NPHP1: variants seen among roughly 807,000 people sequenced by gnomAD.
NPHP1 encodes nephrocystin 1.
NPHP1 carries 70 observed loss-of-function variants against 90.4 expected under a neutral mutation model. The ratio of observed to expected loss-of-function variants is 0.77; its 90% CI spans 0.64 to 0.95. The LOEUF is 0.95. NPHP1 is among the 40% of genes least tolerant of loss of function. The pLI, the probability that NPHP1 is intolerant of heterozygous loss-of-function variation, is 0.00. For synonymous variants in NPHP1, 256 were observed against 271.7 expected (o/e 0.94, Z 0.57); for missense variants, 764 against 795.9 (o/e 0.96, Z 0.48).
intron 1 of NPHP1, chr2:110,202,558 C>T: frequency 2.8e-6 from 1 of 355,792 alleles, no homozygotes; most frequent in Admixed American, 2.8e-5. Context: ...GGCTCCAGAG[C>T]CAATATTTCT....
rs796328333 is a variant in NPHP1, at chr2:110,184,662, T to G, written c.144-4978A>C. On this transcript the variant is annotated intron_variant, in intron 2 of 19. Coordinates refer to ENST00000445609, the MANE Select transcript of NPHP1 (RefSeq NM_001128178.3). ...GCACCTCTACCTGCATAAGGAGGGCTATGATTTCCACTCATCGTTTGAGAT... is the reference window on the plus strand; with the variant it reads ...GCACCTCTACCTGCATAAGGAGGGCGATGATTTCCACTCATCGTTTGAGAT... 62 of 767,160 alleles carry G rather than the reference T, an allele frequency of 8.1e-5. 1 individual carries two copies. The African/African-American group carries it at 8.1e-4, about 10-fold the overall frequency. 47.5% of individuals were successfully genotyped at this position (767,160 alleles called of 1,614,324 possible).
intron 18 of NPHP1, 78 bp downstream of exon 18, chr2:110,129,108 T>TAGACCAGA: frequency 1.5e-6 from 1 of 671,582 alleles, no homozygotes. Context: ...AAAAAAGGCC[T>TAGACCAGA]AGACAGAACT....
At chr2:110,142,101 A>G (rs1025709012) in intron 16 of NPHP1, among the ~76,000 whole-genome samples, 3 of 152,150 alleles carry the variant, frequency 2.0e-5, no homozygotes, top group Non-Finnish European at 4.4e-5. Context: ...GAAGACATAT[A>G]TCCACATGCA....
chr2:110,161,709 A>G lies in NPHP1; in HGVS notation c.860-12T>C, dbSNP rs1326341540. ...TCGAAATTGATTCCCTGAAAAAATC[A>G]TTTTTTCTTCATTTTCTTACAAAGA... On this transcript the variant is annotated splice_polypyrimidine_tract_variant and intron_variant, in intron 9 of 19. Coordinates refer to ENST00000445609, the MANE Select transcript of NPHP1 (RefSeq NM_001128178.3). 3.2e-6 allele frequency: 5 copies of G among 1,582,734 alleles called. No individual in the cohort carries two copies. Among genetic ancestry groups the G allele is most frequent in the Middle Eastern group, 3.3e-4 (2 of 6,014 alleles).
chr2:110,179,123 C>G (rs773579130), intron 3 of NPHP1, among the ~76,000 whole-genome samples: 1 of 147,874 alleles, frequency 6.8e-6, no homozygotes, highest in Non-Finnish European at 1.5e-5. Context: ...TGGACCTGGA[C>G]ATCTAGCTGT....
At chr2:110,190,425 G>A (rs1684632303) in intron 2 of NPHP1, among the ~76,000 whole-genome samples, 1 of 152,194 alleles carries the variant, frequency 6.6e-6, no homozygotes, top group Non-Finnish European at 1.5e-5. Flanking sequence ...AGCAGCTGCT[G>A]GCCCAGGTGC....
At position 110,131,682 on chromosome 2, in the gene NPHP1, T is replaced by C; in HGVS notation, c.1639A>G (p.Thr547Ala). Residue 547 changes from threonine (T) to alanine (A), a missense_variant, in exon 17 of 20, where the codon ACT becomes GCT. Physicochemically the swap from Thr to Ala is moderately conservative, Grantham distance 58. Coordinates refer to ENST00000445609, the MANE Select transcript of NPHP1 (RefSeq NM_001128178.3). ...GGAAGTGGCAAAGCCCACTTACCAG[T>C]ACTTTGCAAGCTCATCCTGTCTTTC... ...LLKDRMSLQS[T>A]DLISHPMLAT... 6.3e-7 allele frequency: 1 copy of C among 1,599,872 alleles called. No individual in the cohort carries two copies. Among genetic ancestry groups the C allele is most frequent in the Non-Finnish European group, 8.6e-7 (1 of 1,167,030 alleles).
Position 110,125,048 on chromosome 2 carries a change from T to A in NPHP1, c.1761+589A>T, listed in dbSNP as rs181398819. The A allele has an allele frequency of 9.1e-5, 59 of 650,312 alleles. No homozygotes were observed. The East Asian group carries it at 1.7e-3, about 19-fold the overall frequency. The allele number at this position is 650,312 out of a possible 1,614,324, so 40.3% of individuals were successfully genotyped here. On this transcript the variant is annotated intron_variant, in intron 19 of 19. Coordinates refer to ENST00000445609, the MANE Select transcript of NPHP1 (RefSeq NM_001128178.3). Reference sequence around the variant, plus strand: ...GTCACATTTGGTCATTTACATATTGTCTGTGGCTGCTTTTGTGTTACAACA... The same window carrying A: ...GTCACATTTGGTCATTTACATATTGACTGTGGCTGCTTTTGTGTTACAACA...
At chr2:110,161,293 T>A (rs947932204) in intron 10 of NPHP1, among the ~76,000 whole-genome samples, 1 of 152,170 alleles carries the variant, frequency 6.6e-6, no homozygotes, top group African/African-American at 2.4e-5. Context: ...TAACTTTATG[T>A]TGGAAGCATT....
intron 11 of NPHP1, among the ~76,000 whole-genome samples, chr2:110,151,278 C>T (rs1426721839): frequency 4.6e-5 from 7 of 151,396 alleles, no homozygotes. Flanking sequence ...TTATATTTTT[C>T]CTCAAGATCT....
Position 110,154,900 on chromosome 2 carries a change from G to T in NPHP1, c.1084-4644C>A, listed in dbSNP as rs148500287. On this transcript the variant is annotated intron_variant, in intron 11 of 19. Coordinates refer to ENST00000445609, the MANE Select transcript of NPHP1 (RefSeq NM_001128178.3). ...TTCTGAGGAGAAATTCAAGCCGGCT[G>T]CAGAAATTCGCATAGGTAACAAGGA... 5.4e-3 allele frequency among the ~76,000 whole-genome samples: 826 copies of T among 152,288 alleles called. 13 individuals carry two copies. Among genetic ancestry groups the T allele is most frequent in the African/African-American group, 0.017 (706 of 41,572 alleles).
chr2:110,135,695 A>C (rs1028427676), intron 16 of NPHP1, among the ~76,000 whole-genome samples: 3 of 152,044 alleles, frequency 2.0e-5, no homozygotes, highest in African/African-American at 7.2e-5. Context: ...AATCTCAAAA[A>C]CCTTACAAAT....
intron 4 of NPHP1, among the ~76,000 whole-genome samples, chr2:110,171,386 T>C (rs1215234040): frequency 1.3e-5 from 2 of 152,112 alleles, no homozygotes; most frequent in African/African-American, 4.8e-5. Context: ...AAACAATACT[T>C]AGACTAATGC....
intron 2 of NPHP1, among the ~76,000 whole-genome samples, chr2:110,182,077 G>A (rs1213305076): frequency 6.6e-6 from 1 of 151,858 alleles, no homozygotes; most frequent in Admixed American, 6.6e-5. Context: ...AGGCGGACAA[G>A]AATAGGGAAA....
In NPHP1 at chr2:110,150,169, G is replaced by T; in HGVS notation, c.1158+13C>A. 2 of 1,600,664 alleles carry T rather than the reference G, an allele frequency of 1.2e-6. No individual in the cohort carries two copies. Among genetic ancestry groups the T allele is most frequent in the Non-Finnish European group, 1.7e-6 (2 of 1,167,762 alleles). On this transcript the variant is annotated intron_variant, in intron 12 of 19. Coordinates refer to ENST00000445609, the MANE Select transcript of NPHP1 (RefSeq NM_001128178.3). ...GAAATTCACTCACTCCACTCATTCAGCAGATTACTTACCTGGGGAGAAAAG... is the reference window on the plus strand; with the variant it reads ...GAAATTCACTCACTCCACTCATTCATCAGATTACTTACCTGGGGAGAAAAG...
chr2:110,139,204 T>TAC (rs35627203), intron 16 of NPHP1, among the ~76,000 whole-genome samples: 11,549 of 148,540 alleles, frequency 0.078, 546 homozygotes, highest in African/African-American at 0.14. Context: ...ATAGCAAATT[T>TAC]ACACACACAC....
Position 110,182,712 on chromosome 2 carries a change from A to G in NPHP1, c.144-3028T>C, listed in dbSNP as rs546021526. On this transcript the variant is annotated intron_variant, in intron 2 of 19. Coordinates refer to ENST00000445609, the MANE Select transcript of NPHP1 (RefSeq NM_001128178.3). ...ACACACTGAAGTACACAGACCAGTG[A>G]CACTATGAAGCAACCACATAAACAA... Among the ~76,000 whole-genome samples, 15 of 152,282 alleles carry G rather than the reference A, an allele frequency of 9.9e-5. No individual in the cohort carries two copies. The East Asian group carries it at 2.9e-3, about 29-fold the overall frequency.
At chr2:110,172,490 T>C (rs1331496812) in intron 4 of NPHP1, among the ~76,000 whole-genome samples, 1 of 152,112 alleles carries the variant, frequency 6.6e-6, no homozygotes, top group Admixed American at 6.6e-5. Context: ...TTTAAAGATA[T>C]AAATTTCTGG....
In NPHP1 at chr2:110,165,131, G is replaced by C; in HGVS notation, c.649C>G (p.Gln217Glu). The change falls in exon 7 of 20, where the codon CAA becomes GAA. Residue 217 changes from glutamine (Q) to glutamate (E), a missense_variant. By Grantham distance (29) the Gln-to-Glu change is conservative (BLOSUM62 2). Coordinates refer to ENST00000445609, the MANE Select transcript of NPHP1 (RefSeq NM_001128178.3). ...TCACTGCCCTCTTCACTTGACTCTT[G>C]GCCTTCTTCTTCTTCACTATAAGGC... Reference protein sequence around the residue: ...LEPYSEEEEGQESSEEGSEED... With the variant: ...LEPYSEEEEGEESSEEGSEED... 1 of 1,613,090 alleles carries C rather than the reference G, an allele frequency of 6.2e-7. No homozygotes were observed. The highest frequency in any genetic ancestry group is 1.1e-5 in the South Asian group (1 of 91,042).
Sources: allele counts gnomAD v4.1 joint callset (sites outside exome capture counted in the v4.1 genomes callset), GRCh38; gene constraint gnomAD v4.1.1; transcripts MANE v1.5; gene names NCBI Gene and HGNC (gene_info 2026-07-23, HGNC 2026-07-21).